The following LRP1B variants were observed in gnomAD, a reference collection of about 807,000 sequenced individuals.
The protein encoded by LRP1B is LDL receptor related protein 1B, also known as low-density lipoprotein receptor-related protein 1B.
LRP1B carries 217 observed loss-of-function variants against 556.6 expected under a neutral mutation model. The observed-to-expected ratio is 0.39, with a 90% CI of 0.35 to 0.44. The LOEUF (loss-of-function observed/expected upper bound fraction) is 0.44, where lower values mean the gene tolerates loss of function less well. Ranked by LOEUF, LRP1B falls within the 20% of genes least tolerant of loss-of-function variation. The probability of loss-of-function intolerance (pLI) is 1.00; values close to 1 mark genes in which losing one functional copy is unlikely to be tolerated. For missense variants in LRP1B, 5,053 were observed against 5,620.8 expected (o/e 0.90, Z 3.23); for synonymous variants, 2,047 against 1,865.8 (o/e 1.10, Z -2.50).
intron 66 of LRP1B, among the ~76,000 whole-genome samples, chr2:140,437,158 T>A (rs1444789024): frequency 6.6e-6 from 1 of 152,142 alleles, no homozygotes; most frequent in South Asian, 2.1e-4. Flanking sequence ...ATGCCTGCAC[T>A]TCACAGTCAG....
chr2:141,450,253 A>T (rs752125494), intron 3 of LRP1B, among the ~76,000 whole-genome samples: 1 of 152,136 alleles, frequency 6.6e-6, no homozygotes, highest in South Asian at 2.1e-4. Context: ...ATTAGTTCTG[A>T]TATACAAGCT....
At chr2:141,355,078 G>C (rs570163973) in intron 3 of LRP1B, among the ~76,000 whole-genome samples, 1 of 151,968 alleles carries the variant, frequency 6.6e-6, no homozygotes, top group African/African-American at 2.4e-5. Flanking sequence ...ATAATGTGTG[G>C]TAAGAATTTT....
chr2:141,998,822 A>G (rs1702574121), intron 1 of LRP1B, among the ~76,000 whole-genome samples: 1 of 152,192 alleles, frequency 6.6e-6, no homozygotes, highest in Non-Finnish European at 1.5e-5. Context: ...GTCTGGGTTA[A>G]GATAGGGGGT....
intron 14 of LRP1B, among the ~76,000 whole-genome samples, chr2:141,011,071 C>CAGCG (rs1553445970): frequency 2.1e-5 from 3 of 142,792 alleles, no homozygotes; most frequent in Non-Finnish European, 3.0e-5. Flanking sequence ...TGTATTCTCT[C>CAGCG]AGAGAGAGAG....
chr2:140,967,591 T>C (rs1207114360), intron 18 of LRP1B, among the ~76,000 whole-genome samples: 2 of 151,940 alleles, frequency 1.3e-5, no homozygotes, highest in South Asian at 2.1e-4. Flanking sequence ...ATAGGAGTGG[T>C]GAGAGAGGGC....
At chr2:140,435,988 C>A (rs1315190246) in intron 66 of LRP1B, among the ~76,000 whole-genome samples, 1 of 151,650 alleles carries the variant, frequency 6.6e-6, no homozygotes, top group Non-Finnish European at 1.5e-5. Context: ...CTCTCTCTCT[C>A]TCACACACAC....
chr2:141,414,154 G>A (rs1167982700), intron 3 of LRP1B, among the ~76,000 whole-genome samples: 6 of 150,910 alleles, frequency 4.0e-5, no homozygotes, highest in Admixed American at 6.6e-5. Flanking sequence ...GGAGAATGGC[G>A]TGAACCCGGG....
chr2:141,227,655 G>T (rs570590100), intron 6 of LRP1B, among the ~76,000 whole-genome samples: 1 of 151,866 alleles, frequency 6.6e-6, no homozygotes, highest in Non-Finnish European at 1.5e-5. Context: ...CAAAATGTTC[G>T]ACAATATTTG....
chr2:141,734,725 G>T (rs1212134456), intron 2 of LRP1B, among the ~76,000 whole-genome samples: 1 of 152,056 alleles, frequency 6.6e-6, no homozygotes, highest in Non-Finnish European at 1.5e-5. Flanking sequence ...GAGCACTTTG[G>T]ATGATAAGAA....
chr2:140,878,814 C>T lies in LRP1B; in HGVS notation c.4169+5003G>A, dbSNP rs537923053. On this transcript the variant is annotated intron_variant, in intron 25 of 90. Transcript: ENST00000389484. The stretch of plus-strand genomic sequence containing the variant: ...GCGAGGTCAGGAGTTTGAGACCAGC[C>T]TGGCCAACATGGTGAAACCCTGTCT... 3.3e-5 allele frequency among the ~76,000 whole-genome samples: 5 copies of T among 151,916 alleles called. No homozygotes were observed. In the East Asian group the frequency reaches 9.7e-4, roughly 29 times the overall value.
chr2:141,099,573 C>G (rs761876758), intron 7 of LRP1B, among the ~76,000 whole-genome samples: 2 of 152,184 alleles, frequency 1.3e-5, no homozygotes, highest in Non-Finnish European at 2.9e-5. Flanking sequence ...ACATGCACAT[C>G]TCTGCACACT....
At position 141,596,017 on chromosome 2, in the gene LRP1B, C is replaced by T. The variant is rs527381367; in HGVS notation, c.206-115484G>A. Among the ~76,000 whole-genome samples the T allele has an allele frequency of 4.7e-4, 72 of 152,066 alleles. No individual in the cohort carries two copies. In the Middle Eastern group the frequency reaches 0.01, roughly 22 times the overall value. On this transcript the variant is annotated intron_variant, in intron 2 of 90. Coordinates refer to ENST00000389484, the MANE Select transcript of LRP1B (RefSeq NM_018557.3). ...GTGATCTGAAACATACACAGAGACA[C>T]AGTACATATACCATTATAAAATTTA...
chr2:141,544,328 C>CTTCTTCTTCTTCTTCTT (rs1559131031), intron 2 of LRP1B, among the ~76,000 whole-genome samples: 117 of 36,926 alleles, frequency 3.2e-3, no homozygotes, highest in Middle Eastern at 0.031. Context: ...TCTTCTTCTT[C>CTTCTTCTTCTTCTTCTT]TTCTTCTTCT....
At chr2:140,972,636 C>A (rs1696463613) in intron 18 of LRP1B, among the ~76,000 whole-genome samples, 1 of 151,884 alleles carries the variant, frequency 6.6e-6, no homozygotes, top group Admixed American at 6.6e-5. Context: ...TGTACCAACT[C>A]CAAAACTGAG....
chr2:140,943,972 A>T (rs558345236), intron 20 of LRP1B, among the ~76,000 whole-genome samples: 2 of 152,120 alleles, frequency 1.3e-5, no homozygotes, highest in Non-Finnish European at 2.9e-5. Flanking sequence ...ACAAAGGATC[A>T]GTGAAAGGAA....
chr2:140,416,366 C>A (rs1558867291), intron 66 of LRP1B, among the ~76,000 whole-genome samples: 1 of 152,008 alleles, frequency 6.6e-6, no homozygotes, highest in African/African-American at 2.4e-5. Flanking sequence ...TATCAAAACC[C>A]TATCAGAGGC....
chr2:141,074,764 C>A (rs536617485), intron 7 of LRP1B, among the ~76,000 whole-genome samples: 2 of 151,798 alleles, frequency 1.3e-5, no homozygotes, highest in Non-Finnish European at 2.9e-5. Flanking sequence ...TAAGGCCATT[C>A]TGGCATAGAA....
chr2:140,712,046 T>C (rs900771773), intron 37 of LRP1B, among the ~76,000 whole-genome samples: 1 of 152,156 alleles, frequency 6.6e-6, no homozygotes, highest in East Asian at 1.9e-4. Context: ...CTGTTTACCA[T>C]TTCTGAGCTC....
rs549335203 is a variant in LRP1B, at chr2:140,360,766, T to C, written c.11132-1820A>G. Among the ~76,000 whole-genome samples, 17 of 151,648 alleles carry C rather than the reference T, an allele frequency of 1.1e-4. No homozygotes were observed. The East Asian group carries it at 3.3e-3, about 30-fold the overall frequency. On this transcript the variant is annotated intron_variant, in intron 72 of 90. Transcript: ENST00000389484. ...AATCTTACGTAAGCCACCACTCTCC[T>C]AGGACGTTGTTTACATTGGTGAATT...
Sources: gnomAD v4.1 joint callset for allele counts (sites outside exome capture counted in the v4.1 genomes callset) on GRCh38, gnomAD v4.1.1 for gene constraint, MANE v1.5 for transcripts, NCBI Gene and HGNC (gene_info 2026-07-23, HGNC 2026-07-21) for gene names.